The following RANBP10 variants were observed in gnomAD, a reference collection of about 807,000 sequenced individuals.
RANBP10 encodes the protein RAN binding protein 10.
RANBP10 carries 24 observed loss-of-function variants against 72.8 expected under a neutral mutation model. The ratio of observed to expected loss-of-function variants is 0.33; its 90% CI spans 0.24 to 0.46. RANBP10 has a LOEUF of 0.46. RANBP10 is among the 20% of genes least tolerant of loss of function. RANBP10 has a pLI of 1.00. For synonymous variants in RANBP10, 310 were observed against 322.3 expected, an observed-to-expected ratio of 0.96 and a Z score of 0.41; for missense variants, 679 against 817.5, an observed-to-expected ratio of 0.83 and a Z score of 2.07.
intron 4 of RANBP10, among the ~76,000 whole-genome samples, chr16:67,740,898 T>G (rs2053956864): frequency 6.6e-6 from 1 of 152,200 alleles, no homozygotes; most frequent in South Asian, 2.1e-4. Flanking sequence ...GAAATCTCTC[T>G]GTACCCAGGA....
In RANBP10 at chr16:67,741,427, C is replaced by T. The variant is rs562823871; in HGVS notation, c.568+2861G>A. ...ATTTTGATGGCAAGATCTGAGTTGGCCCACGGGAAGAAGGTTCAGGCAAAG... is the reference window on the plus strand; with the variant it reads ...ATTTTGATGGCAAGATCTGAGTTGGTCCACGGGAAGAAGGTTCAGGCAAAG... On this transcript the variant is annotated intron_variant, in intron 4 of 13. Coordinates refer to ENST00000317506, the MANE Select transcript of RANBP10 (RefSeq NM_020850.3). Among the ~76,000 whole-genome samples, 262 of 152,312 alleles carry T rather than the reference C, an allele frequency of 1.7e-3. 1 individual carries two copies. Among genetic ancestry groups the T allele is most frequent in the African/African-American group, 6.1e-3 (252 of 41,560 alleles).
intron 13 of RANBP10, 79 bp downstream of exon 13, chr16:67,727,248 A>G (rs970868622): frequency 2.3e-5 from 32 of 1,372,646 alleles, no homozygotes; most frequent in African/African-American, 3.0e-5. Flanking sequence ...GCTGTGAGCC[A>G]AGATTGTGCC....
At chr16:67,749,426 G>A (rs374758876) in intron 3 of RANBP10, among the ~76,000 whole-genome samples, 3 of 152,150 alleles carry the variant, frequency 2.0e-5, no homozygotes, top group South Asian at 4.1e-4. Context: ...TCTCCCCACC[G>A]CCATCACCAG....
chr16:67,789,874 G>A (rs1276518674), intron 2 of RANBP10, among the ~76,000 whole-genome samples: 2 of 151,826 alleles, frequency 1.3e-5, no homozygotes, highest in Admixed American at 6.6e-5. Flanking sequence ...CAAGACAGGC[G>A]GATCACGAGG....
In RANBP10 at chr16:67,806,357, C is replaced by G. The variant is rs1390375589; in HGVS notation, c.180G>C (p.Lys60Asn). The part of the protein sequence containing the change: ...ETPLPRSWSP[K>N]DKYNYIGLSQ... ...AGAGACCAATGTAGTTGTATTTGTC[C>G]TTGGGGCTCCAGGAGCGCGGCAGCG... The change falls in exon 1 of 14, where the codon AAG becomes AAC. Residue 60 changes from lysine to asparagine, a missense_variant. Transcript: ENST00000317506. 6.2e-7 allele frequency: 1 copy of G among 1,613,354 alleles called. No individual in the cohort carries two copies.
intron 3 of RANBP10, among the ~76,000 whole-genome samples, chr16:67,747,751 C>T (rs1328549605): frequency 1.3e-5 from 2 of 151,894 alleles, no homozygotes; most frequent in African/African-American, 2.4e-5. Context: ...ATGATCCACC[C>T]GCCTCGGCCT....
At chr16:67,801,176 G>C (rs1048646507) in intron 2 of RANBP10, among the ~76,000 whole-genome samples, 12 of 152,170 alleles carry the variant, frequency 7.9e-5, no homozygotes, top group Non-Finnish European at 1.8e-4. Flanking sequence ...TACAAAGGAG[G>C]TGTACTCAAA....
intron 1 of RANBP10, 134 bp downstream of exon 1, chr16:67,806,168 G>C (rs111503413): frequency 2.2e-4 from 188 of 847,608 alleles, no homozygotes; most frequent in Non-Finnish European, 3.2e-4. Context: ...CACCACCCTG[G>C]ACATCCTGAA....
Position 67,735,159 on chromosome 16 carries a change from T to C in RANBP10, c.592-117A>G, listed in dbSNP as rs574429420. 10 of 1,058,528 alleles carry C rather than the reference T, an allele frequency of 9.4e-6. No homozygotes were observed. The African/African-American group carries it at 1.6e-4, about 17-fold the overall frequency. 65.6% of individuals were successfully genotyped at this position (1,058,528 alleles called of 1,614,324 possible). On this transcript the variant is annotated intron_variant, in intron 5 of 13. Transcript: ENST00000317506. ...TGGGCTGGGAGAGTTGCAGCAAGGC[T>C]GGAGGAGGCAGGGCGGAGCCACCTC... is the stretch of plus-strand genomic sequence containing the variant.
intron 2 of RANBP10, among the ~76,000 whole-genome samples, chr16:67,783,569 C>T (rs1249849712): frequency 1.3e-5 from 2 of 152,132 alleles, no homozygotes; most frequent in Non-Finnish European, 2.9e-5. Context: ...AGATTTCAAC[C>T]CACATATCAG....
At chr16:67,738,810 A>G (rs569673456) in intron 4 of RANBP10, 1 of 152,320 alleles carries the variant, frequency 6.6e-6, no homozygotes, top group South Asian at 2.1e-4. Flanking sequence ...CCTGGCCAGA[A>G]GTGAAATCAG....
At chr16:67,805,401 G>C in intron 2 of RANBP10, 27 bp downstream of exon 2, 1 of 1,586,094 alleles carries the variant, frequency 6.3e-7, no homozygotes, top group Non-Finnish European at 8.7e-7. Flanking sequence ...CATGATCAGG[G>C]AAAGAGGGTG....
chr16:67,747,493 TTTTGTTTGTTTG>T (rs968219239), intron 3 of RANBP10, among the ~76,000 whole-genome samples: 2 of 152,088 alleles, frequency 1.3e-5, no homozygotes, highest in African/African-American at 4.8e-5. Context: ...TTATCATCAT[TTTTGTTTGTTTG>T]TTTGTTTGTT....
chr16:67,726,870 G>A (rs1177622270), intron 13 of RANBP10, among the ~76,000 whole-genome samples: 1 of 152,226 alleles, frequency 6.6e-6, no homozygotes, highest in Non-Finnish European at 1.5e-5. Flanking sequence ...GGAGTCCTAT[G>A]AGTCACCAGA....
At chr16:67,753,387 G>A (rs1469107244) in intron 3 of RANBP10, among the ~76,000 whole-genome samples, 8 of 152,124 alleles carry the variant, frequency 5.3e-5, no homozygotes, top group Non-Finnish European at 1.5e-5. Context: ...CGCACCTGTA[G>A]TACTGCTGAG....
At chr16:67,769,603 G>A (rs1287543745) in intron 3 of RANBP10, among the ~76,000 whole-genome samples, 13 of 151,034 alleles carry the variant, frequency 8.6e-5, no homozygotes, top group South Asian at 4.2e-4. Context: ...AAAATGAGCC[G>A]GGCGTGGTGG....
intron 2 of RANBP10, among the ~76,000 whole-genome samples, chr16:67,792,581 C>A (rs1246086009): frequency 6.8e-6 from 1 of 147,756 alleles, no homozygotes; most frequent in African/African-American, 2.5e-5. Flanking sequence ...AAAAAGAAAT[C>A]GAAACCATCC....
At chr16:67,736,955 C>G (rs1252961935) in intron 5 of RANBP10, among the ~76,000 whole-genome samples, 1 of 152,166 alleles carries the variant, frequency 6.6e-6, no homozygotes, top group Non-Finnish European at 1.5e-5. Context: ...CCAGAGTCAG[C>G]AAACCTTCCT....
At chr16:67,799,285 C>CTTTTTT (rs869030467) in intron 2 of RANBP10, among the ~76,000 whole-genome samples, 2 of 113,980 alleles carry the variant, frequency 1.8e-5, no homozygotes, top group Admixed American at 9.2e-5. Flanking sequence ...CTCCACATCT[C>CTTTTTT]TTTTTTTTTT....
Sources: gnomAD v4.1 joint callset for allele counts (sites outside exome capture counted in the v4.1 genomes callset) on GRCh38, gnomAD v4.1.1 for gene constraint, MANE v1.5 for transcripts, NCBI Gene and HGNC (gene_info 2026-07-23, HGNC 2026-07-21) for gene names.